Variants in UNC5D observed in about 807,000 individuals in gnomAD.
UNC5D encodes unc-5 netrin receptor D.
Under a neutral mutation model 105.4 loss-of-function variants are expected in UNC5D, and 39 were observed. The ratio of observed to expected loss-of-function variants is 0.37; its 90% confidence interval spans 0.29 to 0.48. The LOEUF (loss-of-function observed/expected upper bound fraction) is 0.48, where lower values mean the gene tolerates loss of function less well. UNC5D is among the 20% of genes least tolerant of loss of function. The pLI, the probability that UNC5D is intolerant of heterozygous loss-of-function variation, is 0.98. For missense variants in UNC5D, 991 were observed against 1,202.4 expected, an observed-to-expected ratio of 0.82 and a Z score of 2.60; for synonymous variants, 452 against 450.4, an observed-to-expected ratio of 1.00 and a Z score of -0.04.
chr8:35,752,844 A>C (rs886888336), intron 13 of UNC5D, among the ~76,000 whole-genome samples: 6 of 152,208 alleles, frequency 3.9e-5, no homozygotes, highest in Non-Finnish European at 2.9e-5. Context: ...AACTGGAGTA[A>C]CCATGGAGCA....
At chr8:35,372,465 G>T (rs1199452755) in intron 1 of UNC5D, among the ~76,000 whole-genome samples, 1 of 151,992 alleles carries the variant, frequency 6.6e-6, no homozygotes, top group East Asian at 1.9e-4. Flanking sequence ...TGTATATTTT[G>T]GGGGGTTATG....
intron 3 of UNC5D, among the ~76,000 whole-genome samples, chr8:35,594,102 CAG>C (rs1397162853): frequency 2.0e-5 from 3 of 152,142 alleles, no homozygotes; most frequent in Non-Finnish European, 2.9e-5. Context: ...CTTTAAAACT[CAG>C]GGGACAGCAG....
intron 1 of UNC5D, among the ~76,000 whole-genome samples, chr8:35,294,121 G>T (rs1253896570): frequency 6.6e-6 from 1 of 152,172 alleles, no homozygotes; most frequent in Non-Finnish European, 1.5e-5. Flanking sequence ...CTGGCAGCTG[G>T]TGTTTCCCTT....
In UNC5D at chr8:35,748,420, A is replaced by C. The variant is rs1388894904; in HGVS notation, c.1767-107A>C. On this transcript the variant is annotated intron_variant, in intron 11 of 16. Coordinates refer to ENST00000404895, the MANE Select transcript of UNC5D (RefSeq NM_080872.4). ...TTTGTAAAAGAAAATCCTGGAAAGG[A>C]ATATTTATAAGCCTGAAGAAAACCC... The C allele has an allele frequency of 3.0e-5, 35 of 1,181,354 alleles. No homozygotes were observed. In the South Asian group the frequency reaches 5.9e-4, roughly 20 times the overall value. 73.2% of individuals were successfully genotyped at this position (1,181,354 alleles called of 1,614,324 possible).
intron 4 of UNC5D, among the ~76,000 whole-genome samples, chr8:35,662,032 C>A (rs769350498): frequency 2.0e-5 from 3 of 152,120 alleles, no homozygotes; most frequent in Non-Finnish European, 2.9e-5. Flanking sequence ...GAAAAAATAG[C>A]AATGGGTTGC....
chr8:35,543,945 A>T (rs189253478), intron 1 of UNC5D, among the ~76,000 whole-genome samples: 70 of 152,316 alleles, frequency 4.6e-4, no homozygotes, highest in African/African-American at 1.7e-3. Context: ...GGCACTCACT[A>T]AATTAGAGTA....
chr8:35,796,138 G>A lies in UNC5D; in HGVS notation c.*5575G>A, dbSNP rs1803243376. ...AAATAAAATAAAATAAAGCAGGGCT[G>A]AACACTTAATTTGACATGAAGCTGA... On this transcript the variant is annotated 3_prime_UTR_variant, in exon 17 of 17. Transcript: ENST00000404895. 2.6e-5 allele frequency: 4 copies of A among 152,106 alleles called. No individual in the cohort carries two copies. The highest frequency in any genetic ancestry group is 7.2e-5 in the African/African-American group (3 of 41,412). The allele number at this position is 152,106 out of a possible 1,614,324, so 9.4% of individuals were successfully genotyped here.
intron 4 of UNC5D, among the ~76,000 whole-genome samples, chr8:35,656,655 T>C (rs183413768): frequency 8.5e-5 from 13 of 152,186 alleles, no homozygotes; most frequent in African/African-American, 2.4e-5. Context: ...CCTGTTACCA[T>C]AGGATTTGGA....
At chr8:35,710,197 T>C (rs1827854510) in intron 8 of UNC5D, among the ~76,000 whole-genome samples, 2 of 152,204 alleles carry the variant, frequency 1.3e-5, no homozygotes, top group African/African-American at 4.8e-5. Context: ...TCTAAGATGA[T>C]TGTGGCTTGA....
At chr8:35,410,203 T>C (rs1805077048) in intron 1 of UNC5D, among the ~76,000 whole-genome samples, 1 of 152,080 alleles carries the variant, frequency 6.6e-6, no homozygotes, top group African/African-American at 2.4e-5. Context: ...AAATACTTAC[T>C]GGATAAAGTA....
chr8:35,235,618 A>T lies in UNC5D; in HGVS notation c.-167A>T. On this transcript the variant is annotated 5_prime_UTR_variant, in exon 1 of 17. Coordinates refer to ENST00000404895, the MANE Select transcript of UNC5D (RefSeq NM_080872.4). ...GCGCCCTTTCTCGGGGTGCCCATTCAGCGGCGGCTCGGAGCTCCCTGCCCC... is the reference window on the plus strand; with the variant it reads ...GCGCCCTTTCTCGGGGTGCCCATTCTGCGGCGGCTCGGAGCTCCCTGCCCC... 2.2e-6 allele frequency: 1 copy of T among 463,096 alleles called. No individual in the cohort carries two copies. Among genetic ancestry groups the T allele is most frequent in the Non-Finnish European group, 3.5e-6 (1 of 289,698 alleles). The allele number at this position is 463,096 out of a possible 1,614,324, so 28.7% of individuals were successfully genotyped here.
intron 1 of UNC5D, among the ~76,000 whole-genome samples, chr8:35,278,496 G>A (rs928174739): frequency 1.3e-5 from 2 of 151,984 alleles, no homozygotes; most frequent in African/African-American, 2.4e-5. Context: ...TATTTGAATT[G>A]GGGGATGGAA....
At chr8:35,743,039 AG>A (rs1192684059) in intron 11 of UNC5D, among the ~76,000 whole-genome samples, 1 of 152,142 alleles carries the variant, frequency 6.6e-6, no homozygotes, top group African/African-American at 2.4e-5. Flanking sequence ...GTGATTTCTG[AG>A]ATTTTGGTGC....
At chr8:35,403,260 C>G in intron 1 of UNC5D, among the ~76,000 whole-genome samples, 1 of 152,194 alleles carries the variant, frequency 6.6e-6, no homozygotes, top group East Asian at 1.9e-4. Context: ...CAGGGCACCT[C>G]CTTAGCAAAA....
At chr8:35,355,452 T>G (rs1585654258) in intron 1 of UNC5D, among the ~76,000 whole-genome samples, 1 of 152,250 alleles carries the variant, frequency 6.6e-6, no homozygotes, top group Non-Finnish European at 1.5e-5. Context: ...CAGCCTATTA[T>G]AATCTAACCA....
At chr8:35,337,538 T>G (rs996866004) in intron 1 of UNC5D, among the ~76,000 whole-genome samples, 11 of 152,188 alleles carry the variant, frequency 7.2e-5, no homozygotes, top group African/African-American at 2.7e-4. Flanking sequence ...AAGAAAGCAG[T>G]CAGCTTTTCC....
chr8:35,607,247 T>C (rs1277438509), intron 4 of UNC5D, among the ~76,000 whole-genome samples: 1 of 152,216 alleles, frequency 6.6e-6, no homozygotes, highest in Non-Finnish European at 1.5e-5. Context: ...TTTTCTGGTA[T>C]CTACCTTTTC....
At chr8:35,717,688 G>C (rs1449573456) in intron 8 of UNC5D, among the ~76,000 whole-genome samples, 1 of 152,106 alleles carries the variant, frequency 6.6e-6, no homozygotes, top group Non-Finnish European at 1.5e-5. Flanking sequence ...TTGTAGAAAA[G>C]GTCATGGTAA....
At chr8:35,489,805 C>T (rs561746183) in intron 1 of UNC5D, among the ~76,000 whole-genome samples, 21 of 152,258 alleles carry the variant, frequency 1.4e-4, no homozygotes, top group African/African-American at 4.6e-4. Context: ...TTATTGCAAA[C>T]GTTTAAACAT....
Sources: gnomAD v4.1 joint callset for allele counts (sites outside exome capture counted in the v4.1 genomes callset) on GRCh38, gnomAD v4.1.1 for gene constraint, MANE v1.5 for transcripts, NCBI Gene and HGNC (gene_info 2026-07-23, HGNC 2026-07-21) for gene names.